The following KIAA0319 variants were observed in gnomAD, a reference collection of about 807,000 sequenced individuals.
KIAA0319 encodes dyslexia-associated protein KIAA0319.
In KIAA0319, 83 loss-of-function variants were observed where a neutral mutation model predicts 108.4. The ratio of observed to expected loss-of-function variants is 0.77; its 90% CI spans 0.64 to 0.92. KIAA0319 has a LOEUF of 0.92. Among genes scored for constraint, KIAA0319 ranks in the 40% least tolerant of loss-of-function variants. The probability of loss-of-function intolerance (pLI) is 0.00; values close to 1 mark genes in which losing one functional copy is unlikely to be tolerated. For synonymous variants in KIAA0319, 484 were observed against 510.4 expected, an observed-to-expected ratio of 0.95 and a Z score of 0.70; for missense variants, 1,195 against 1,322.4, an observed-to-expected ratio of 0.90 and a Z score of 1.49.
At chr6:24,565,096 C>T (rs902342491) in intron 14 of KIAA0319, among the ~76,000 whole-genome samples, 3 of 151,354 alleles carry the variant, frequency 2.0e-5, no homozygotes, top group African/African-American at 7.3e-5. Context: ...AAATACAATA[C>T]AAAAAAATTA....
At chr6:24,566,272 G>A (rs1451613983) in intron 14 of KIAA0319, among the ~76,000 whole-genome samples, 2 of 152,134 alleles carry the variant, frequency 1.3e-5, no homozygotes, top group Admixed American at 6.5e-5. Flanking sequence ...GGTCATAAGG[G>A]TAGGCCCCTG....
intron 1 of KIAA0319, among the ~76,000 whole-genome samples, chr6:24,613,948 G>GT (rs1469493017): frequency 7.2e-5 from 11 of 152,160 alleles, no homozygotes; most frequent in East Asian, 1.9e-4. Context: ...TAACTGCCTT[G>GT]TTTTTTTGGT....
intron 10 of KIAA0319, 108 bp downstream of exon 10, chr6:24,576,260 T>C: frequency 2.3e-6 from 2 of 872,054 alleles, no homozygotes; most frequent in South Asian, 3.2e-5. Flanking sequence ...CAGATAACTT[T>C]ACAAAATAAA....
intron 2 of KIAA0319, chr6:24,598,543 G>A: frequency 2.3e-6 from 1 of 435,606 alleles, no homozygotes; most frequent in South Asian, 1.9e-5. Flanking sequence ...ACCAGGGCTG[G>A]TGGAGGACTT....
At position 24,564,645 on chromosome 6, in the gene KIAA0319, TAGGGCA is replaced by T. The variant is rs145233309; in HGVS notation, c.2293-311_2293-306del. On this transcript the variant is annotated intron_variant, in intron 14 of 20. Transcript: ENST00000378214. ...CAACAAAGGGAAAGACCATTTGAAT[TAGGGCA>T]AGGACGCTGAGAACAAAGCACAGGT... Among the ~76,000 whole-genome samples, 710 of 152,316 alleles carry T rather than the reference TAGGGCA, an allele frequency of 4.7e-3. 4 individuals carry two copies. Among genetic ancestry groups the T allele is most frequent in the African/African-American group, 0.016 (671 of 41,576 alleles).
chr6:24,576,723 C>T (rs1765596656), intron 9 of KIAA0319, 127 bp from the exon 10 acceptor site: 1 of 720,162 alleles, frequency 1.4e-6, no homozygotes, highest in Admixed American at 2.3e-5. Context: ...AGTTCTGAGA[C>T]CAGCTGGGCC....
intron 14 of KIAA0319, among the ~76,000 whole-genome samples, chr6:24,566,141 C>A (rs923205798): frequency 3.3e-5 from 5 of 152,182 alleles, no homozygotes; most frequent in African/African-American, 9.7e-5. Flanking sequence ...GAGATGAGGT[C>A]ATTATAGAGA....
At position 24,588,649 on chromosome 6, in the gene KIAA0319, G is replaced by C. The variant is rs749643777; in HGVS notation, c.938C>G (p.Pro313Arg). 4 of 1,613,980 alleles carry C rather than the reference G, an allele frequency of 2.5e-6. No individual in the cohort carries two copies. The highest frequency in any genetic ancestry group is 3.4e-6 in the Non-Finnish European group (4 of 1,179,960). ...TAGCTCAGATGGGGTGGACTCAGAG[G>C]GGGCTGCGCTAGTGGGAGGTGTTGG... ...SIPTPPTSAA[P>R]SESTPSELPI... The change falls in exon 4 of 21, where the codon CCC becomes CGC. Residue 313 changes from proline to arginine, a missense_variant. Coordinates refer to ENST00000378214, the MANE Select transcript of KIAA0319 (RefSeq NM_014809.4).
intron 5 of KIAA0319, among the ~76,000 whole-genome samples, 186 bp from the exon 6 acceptor site, chr6:24,582,532 CTT>C (rs1056081785): frequency 2.0e-5 from 3 of 149,840 alleles, no homozygotes; most frequent in African/African-American, 7.4e-5. Flanking sequence ...TCCCCTCACT[CTT>C]GTTATCATCT....
chr6:24,641,862 T>C (rs551680632), intron 1 of KIAA0319, among the ~76,000 whole-genome samples: 1 of 151,782 alleles, frequency 6.6e-6, no homozygotes, highest in East Asian at 1.9e-4. Context: ...CAAGATCTTG[T>C]CTCTATAAAA....
intron 16 of KIAA0319, among the ~76,000 whole-genome samples, chr6:24,559,599 G>A (rs1051988779): frequency 7.9e-6 from 1 of 126,056 alleles, no homozygotes; most frequent in Admixed American, 8.5e-5. Flanking sequence ...TATATTCTTT[G>A]CAATAAATCC....
At chr6:24,633,668 T>C (rs995094109) in intron 1 of KIAA0319, among the ~76,000 whole-genome samples, 1 of 152,138 alleles carries the variant, frequency 6.6e-6, no homozygotes, top group African/African-American at 2.4e-5. Flanking sequence ...TGAAATTTAT[T>C]TGAAAACATA....
chr6:24,541,114 T>A (rs115662067), downstream of KIAA0319, among the ~76,000 whole-genome samples: 5,604 of 152,322 alleles, frequency 0.037, 157 homozygotes, highest in Non-Finnish European at 0.06. Flanking sequence ...GTAGCTTTTT[T>A]AAACTTTCCT....
At position 24,583,708 on chromosome 6, in the gene KIAA0319, A is replaced by G. The variant is rs765145488; in HGVS notation, c.995-6T>C. The stretch of plus-strand genomic sequence containing the variant: ...CGATACCGTAAGTTCTTTCACTAAA[A>G]GTTAATTAGAAATAATACGTGCAAT... On this transcript the variant is annotated splice_polypyrimidine_tract_variant and splice_region_variant and intron_variant, in intron 4 of 20. Transcript: ENST00000378214. The G allele has an allele frequency of 6.5e-7, 1 of 1,549,050 alleles. No individual in the cohort carries two copies. Among genetic ancestry groups the G allele is most frequent in the Admixed American group, 1.7e-5 (1 of 59,764 alleles).
chr6:24,619,845 C>T (rs1341645556), intron 1 of KIAA0319, among the ~76,000 whole-genome samples: 1 of 152,214 alleles, frequency 6.6e-6, no homozygotes, highest in Non-Finnish European at 1.5e-5. Flanking sequence ...CCATATTTTG[C>T]TGCAGCAGGC....
chr6:24,614,730 A>G (rs565688349), intron 1 of KIAA0319, among the ~76,000 whole-genome samples: 8 of 152,290 alleles, frequency 5.3e-5, no homozygotes, highest in South Asian at 4.1e-4. Flanking sequence ...AAAAAAATCA[A>G]TTGGGTTTTC....
chr6:24,600,820 T>C, intron 2 of KIAA0319: 1 of 758,926 alleles, frequency 1.3e-6, no homozygotes, highest in Non-Finnish European at 2.1e-6. Context: ...CTAGTATATA[T>C]GAAATGTGAT....
chr6:24,586,886 C>A (rs550629994), intron 4 of KIAA0319, among the ~76,000 whole-genome samples: 1 of 152,222 alleles, frequency 6.6e-6, no homozygotes, highest in Admixed American at 6.5e-5. Context: ...ACTACCCAAT[C>A]AGTTTTGCAG....
In KIAA0319 at chr6:24,599,470, A is replaced by T. The variant is rs375927390; in HGVS notation, c.55+1579T>A. On this transcript the variant is annotated intron_variant, in intron 2 of 20. Coordinates refer to ENST00000378214, the MANE Select transcript of KIAA0319 (RefSeq NM_014809.4). This position sits in a 1 kb window ranked among gnomAD's most constrained non-coding sequence, Gnocchi z 4.1. ...CAGGACATGGCATGGCAGCTGCATG[A>T]GTACCAGGAGCTGATGATCATCAAG... The T allele has an allele frequency of 3.6e-6, 2 of 557,344 alleles. No individual in the cohort carries two copies. The highest frequency in any genetic ancestry group is 3.4e-6 in the Non-Finnish European group (1 of 290,184). 34.5% of individuals were successfully genotyped at this position (557,344 alleles called of 1,614,324 possible).
Sources: allele counts gnomAD v4.1 joint callset (sites outside exome capture counted in the v4.1 genomes callset), GRCh38; gene constraint gnomAD v4.1.1; non-coding constraint Gnocchi (gnomAD v3.1); transcripts MANE v1.5; gene names NCBI Gene and HGNC (gene_info 2026-07-23, HGNC 2026-07-21).